The following CENPF variants were observed in gnomAD, a reference collection of about 807,000 sequenced individuals.
The protein encoded by CENPF is centromere protein F.
A neutral mutation model predicts 307.3 loss-of-function variants in CENPF; 214 were observed. That is an observed-to-expected ratio of 0.70 (90% confidence interval 0.62 to 0.78). The LOEUF (loss-of-function observed/expected upper bound fraction) is 0.78. Ranked by LOEUF, CENPF falls within the 30% of genes least tolerant of loss-of-function variation. CENPF has a pLI of 0.00. For synonymous variants in CENPF, 1,259 were observed against 1,270.6 expected, an observed-to-expected ratio of 0.99 and a Z score of 0.19; for missense variants, 3,401 against 3,483.9, an observed-to-expected ratio of 0.98 and a Z score of 0.60.
rs181896116 is a variant in CENPF, at chr1:214,661,052, G to T, written c.9141+2024G>T. ...ATGGTAAAAGCAGTTTGCATGCGGC[G>T]TTCAGACTTACTATCTAGGAAAAAG... On this transcript the variant is annotated intron_variant, in intron 19 of 19. Coordinates refer to ENST00000366955, the MANE Select transcript of CENPF (RefSeq NM_016343.4). Among the ~76,000 whole-genome samples the T allele has an allele frequency of 3.4e-3, 523 of 152,268 alleles. 2 individuals are homozygous for T. Among genetic ancestry groups the T allele is most frequent in the African/African-American group, 0.012 (494 of 41,544 alleles).
At position 214,642,643 on chromosome 1, in the gene CENPF, G is replaced by A; in HGVS notation, c.4305G>A (p.Leu1435=). The change falls in exon 12 of 20, where the codon CTG becomes CTA. Residue 1435 remains leucine (L), a synonymous_variant. Transcript: ENST00000366955. The part of the protein sequence containing the change: ...HCQMSSKMSE[L]QTYVDSLKAE... ...AGATGAGCTCTAAAATGTCAGAGCTGCAGACCTATGTTGACTCATTAAAGG... is the reference window on the plus strand; with the variant it reads ...AGATGAGCTCTAAAATGTCAGAGCTACAGACCTATGTTGACTCATTAAAGG... 1 of 1,613,930 alleles carries A rather than the reference G, an allele frequency of 6.2e-7. No homozygotes were observed. Among genetic ancestry groups the A allele is most frequent in the Non-Finnish European group, 8.5e-7 (1 of 1,179,916 alleles).
rs374019549 is a variant in CENPF, at chr1:214,640,909, G to A, written c.2571G>A (p.Val857=). The part of the protein sequence containing the change: ...SDLQKQCEEL[V]QIKGEIEENL... ...TGCAAAAGCAGTGTGAAGAGTTGGT[G>A]CAAATCAAAGGAGAAATAGAAGAAA... The change falls in exon 12 of 20, where the codon GTG becomes GTA. Residue 857 remains valine, a synonymous_variant. Transcript: ENST00000366955. The A allele has an allele frequency of 8.7e-6, 14 of 1,606,870 alleles. No individual in the cohort carries two copies. The highest frequency in any genetic ancestry group is 1.1e-5 in the Non-Finnish European group (13 of 1,178,368).
At chr1:214,605,558 G>C (rs1257582579) in intron 1 of CENPF, 1 of 718,762 alleles carries the variant, frequency 1.4e-6, no homozygotes, top group South Asian at 1.8e-5. Context: ...ACAGCCCCTG[G>C]GTTGGAGCGG....
chr1:214,607,716 G>A (rs1438962553), intron 1 of CENPF, among the ~76,000 whole-genome samples: 2 of 152,170 alleles, frequency 1.3e-5, no homozygotes, highest in African/African-American at 4.8e-5. Flanking sequence ...TGGCCCGGGC[G>A]GTGCTCAAAC....
At position 214,646,131 on chromosome 1, in the gene CENPF, A is replaced by G. The variant is rs1183550132; in HGVS notation, c.6561A>G (p.Leu2187=). 1 of 1,614,136 alleles carries G rather than the reference A, an allele frequency of 6.2e-7. No homozygotes were observed. Among genetic ancestry groups the G allele is most frequent in the African/African-American group, 1.3e-5 (1 of 75,062 alleles). Residue 2187 remains leucine, a synonymous_variant, in exon 13 of 20, where the codon CTA becomes CTG. Transcript: ENST00000366955. The part of the protein sequence containing the change: ...AENSKAEVET[L]KTQIEEMARS... ...ATTCCAAAGCAGAAGTAGAGACTCT[A>G]AAAACACAAATAGAAGAGATGGCCA...
chr1:214,610,189 A>T (rs1657162636), intron 1 of CENPF, among the ~76,000 whole-genome samples: 1 of 152,128 alleles, frequency 6.6e-6, no homozygotes, highest in Non-Finnish European at 1.5e-5. Flanking sequence ...AATGATTTAT[A>T]TTCCTCTGGG....
At chr1:214,605,031 G>T (rs553660584) in intron 1 of CENPF, among the ~76,000 whole-genome samples, 2 of 152,034 alleles carry the variant, frequency 1.3e-5, no homozygotes, top group South Asian at 4.2e-4. Context: ...CCATTAAAAT[G>T]GCCGTTAACT....
At chr1:214,608,608 TA>T (rs1657105456) in intron 1 of CENPF, 1 of 1,608,048 alleles carries the variant, frequency 6.2e-7, no homozygotes, top group South Asian at 1.1e-5. Context: ...GCGCTGGCTG[TA>T]CTGGAAGTCG....
rs776664792 is a variant in CENPF, at chr1:214,655,292, CA to C, written c.8375del (p.Gln2792ArgfsTer4). ...GTTGAAGAAGGAAAATGAACGTGCCCAGGGGAAAATGAAGTTGTTGATCAAA... is the reference window on the plus strand; with the variant it reads ...GTTGAAGAAGGAAAATGAACGTGCCCGGGGAAAATGAAGTTGTTGATCAAA... The part of the protein sequence containing the change: ...NQLKKENERA[Q>X]GKMKLLIKSC... On this transcript the variant is annotated frameshift_variant, in exon 17 of 20. Coordinates refer to ENST00000366955, the MANE Select transcript of CENPF (RefSeq NM_016343.4). LOFTEE classifies it high-confidence loss of function. 7 of 1,607,732 alleles carry C rather than the reference CA, an allele frequency of 4.4e-6. No individual in the cohort carries two copies. The highest frequency in any genetic ancestry group is 2.2e-5 in the South Asian group (2 of 89,844).
At chr1:214,650,189 C>G (rs946401211) in intron 14 of CENPF, among the ~76,000 whole-genome samples, 1 of 152,132 alleles carries the variant, frequency 6.6e-6, no homozygotes, top group Non-Finnish European at 1.5e-5. Flanking sequence ...AGCTATGCAA[C>G]GACCAGGCAG....
intron 1 of CENPF, among the ~76,000 whole-genome samples, chr1:214,607,078 G>T (rs953645434): frequency 1.3e-5 from 2 of 152,330 alleles, no homozygotes; most frequent in East Asian, 1.9e-4. Flanking sequence ...AAAGGATGCT[G>T]CCTGGCTTGT....
At chr1:214,605,006 A>G (rs946816125) in intron 1 of CENPF, among the ~76,000 whole-genome samples, 3 of 152,170 alleles carry the variant, frequency 2.0e-5, no homozygotes, top group African/African-American at 7.2e-5. Flanking sequence ...CATTGATAAA[A>G]TCGATTGAAA....
At position 214,658,950 on chromosome 1, in the gene CENPF, G is replaced by T; in HGVS notation, c.9063G>T (p.Ala3021=). The part of the protein sequence containing the change: ...TSPRLAAQKL[A]LSPLSLGKEN... ...CCCGCCTGGCTGCACAGAAGTTAGCGCTATCCCCACTGAGTCTCGGCAAAG... is the reference window on the plus strand; with the variant it reads ...CCCGCCTGGCTGCACAGAAGTTAGCTCTATCCCCACTGAGTCTCGGCAAAG... The change falls in exon 19 of 20, where the codon GCG becomes GCT. Residue 3021 remains alanine (A), a synonymous_variant. Transcript: ENST00000366955. 6.2e-7 allele frequency: 1 copy of T among 1,614,078 alleles called. No homozygotes were observed. The highest frequency in any genetic ancestry group is 8.5e-7 in the Non-Finnish European group (1 of 1,179,992).
At chr1:214,660,376 A>G (rs1179519261) in intron 19 of CENPF, among the ~76,000 whole-genome samples, 2 of 152,226 alleles carry the variant, frequency 1.3e-5, no homozygotes, top group Non-Finnish European at 2.9e-5. Context: ...TGTTACTCAC[A>G]TTCGGATTTA....
intron 3 of CENPF, 82 bp downstream of exon 3, chr1:214,615,110 A>G (rs886410534): frequency 3.0e-6 from 3 of 999,794 alleles, no homozygotes; most frequent in African/African-American, 1.7e-5. Flanking sequence ...TAACAATATA[A>G]TTATTATACT....
chr1:214,647,792 G>A (rs1436106662), intron 13 of CENPF, among the ~76,000 whole-genome samples: 7 of 152,120 alleles, frequency 4.6e-5, no homozygotes, highest in Non-Finnish European at 7.4e-5. Context: ...ATCTAGGATC[G>A]GAAAGGATCT....
chr1:214,663,113 A>G (rs75776356), intron 19 of CENPF, among the ~76,000 whole-genome samples: 3,200 of 152,310 alleles, frequency 0.021, 62 homozygotes, highest in South Asian at 0.066. Flanking sequence ...TCCAAATTCA[A>G]TATGGAAACA....
intron 6 of CENPF, among the ~76,000 whole-genome samples, 191 bp from the exon 7 acceptor site, chr1:214,621,888 A>G (rs936334083): frequency 6.6e-6 from 1 of 152,238 alleles, no homozygotes; most frequent in Non-Finnish European, 1.5e-5. Flanking sequence ...CCTGCTTTCT[A>G]TAGAGTATTT....
chr1:214,659,098 G>T lies in CENPF; in HGVS notation c.9141+70G>T, dbSNP rs1178947988. On this transcript the variant is annotated intron_variant, in intron 19 of 19. Transcript: ENST00000366955. This position sits in a 1 kb window ranked among gnomAD's most constrained non-coding sequence, Gnocchi z 4.4. The stretch of plus-strand genomic sequence containing the variant: ...TTGCAGTAGTACCTGGGTGAGGATT[G>T]GACACTGCACCCCCGATTCAGGAGC... 1.3e-6 allele frequency: 2 copies of T among 1,524,110 alleles called. No individual in the cohort carries two copies. The highest frequency in any genetic ancestry group is 1.8e-6 in the Non-Finnish European group (2 of 1,109,374). The allele number at this position is 1,524,110 out of a possible 1,614,324, so 94.4% of individuals were successfully genotyped here.
Sources: allele counts gnomAD v4.1 joint callset (sites outside exome capture counted in the v4.1 genomes callset), GRCh38; gene constraint gnomAD v4.1.1; non-coding constraint Gnocchi (gnomAD v3.1); transcripts MANE v1.5; gene names NCBI Gene and HGNC (gene_info 2026-07-23, HGNC 2026-07-21).